USP16: variants seen among roughly 807,000 people sequenced by gnomAD.
The protein encoded by USP16 is ubiquitin specific peptidase 16.
USP16 carries 77 observed loss-of-function variants against 95.9 expected under a neutral mutation model. The ratio of observed to expected loss-of-function variants is 0.80; its 90% confidence interval spans 0.67 to 0.97. The LOEUF is 0.97. Among genes scored for constraint, USP16 ranks in the 50% least tolerant of loss-of-function variants. USP16 has a pLI of 0.00. For missense variants in USP16, 943 were observed against 959.9 expected, an observed-to-expected ratio of 0.98 and a Z score of 0.23; for synonymous variants, 303 against 318.2, an observed-to-expected ratio of 0.95 and a Z score of 0.51.
intron 3 of USP16, among the ~76,000 whole-genome samples, chr21:29,031,682 C>G (rs796279994): frequency 2.0e-5 from 3 of 152,360 alleles, no homozygotes; most frequent in African/African-American, 7.2e-5. Context: ...AAGTGATCCA[C>G]TCACCTTGGC....
rs532425756 is a variant in USP16 at position 29,046,568 on chromosome 21, A to G, written c.1357-99A>G. The G allele has an allele frequency of 5.2e-5, 63 of 1,222,484 alleles. No individual in the cohort carries two copies. The South Asian group carries it at 8.9e-4, about 17-fold the overall frequency. The allele number at this position is 1,222,484 out of a possible 1,614,324, so 75.7% of individuals were successfully genotyped here. A position where few individuals can be genotyped will look rare whatever the true frequency, so the allele number is the denominator to read the frequency against. On this transcript the variant is annotated intron_variant, in intron 13 of 17. Coordinates refer to ENST00000399976, the MANE Select transcript of USP16 (RefSeq NM_006447.3). ...GACAAGCAGCAAAACTGGATATAGT[A>G]CATGTGTGTGTTTTGTCCTTCTTCC...
chr21:29,032,075 G>A (rs60260312), intron 3 of USP16, among the ~76,000 whole-genome samples: 21,976 of 152,054 alleles, frequency 0.14, 1,892 homozygotes, highest in African/African-American at 0.24. Flanking sequence ...GGGATCTCTT[G>A]TGTTGCCCTT....
chr21:29,031,511 T>C (rs996238861), intron 3 of USP16, among the ~76,000 whole-genome samples: 2 of 152,186 alleles, frequency 1.3e-5, no homozygotes, highest in African/African-American at 4.8e-5. Context: ...CAATCTTGGC[T>C]CATGGCAGCC....
At position 29,042,476 on chromosome 21, in the gene USP16, C is replaced by G; in HGVS notation, c.1127C>G (p.Ser376Cys). Residue 376 changes from serine to cysteine, a missense_variant, in exon 12 of 18, where the codon TCC becomes TGC. By Grantham distance (112) the Ser-to-Cys change is moderately radical. Coordinates refer to ENST00000399976, the MANE Select transcript of USP16 (RefSeq NM_006447.3). ...TGTCTTTTCTGATTGGTTAAGGTCT[C>G]CTTGGTTCATGAATCTTTCCTTGAT... The part of the protein sequence containing the change: ...MIMCDQCRTV[S>C]LVHESFLDLS... The G allele has an allele frequency of 6.2e-7, 1 of 1,602,984 alleles. No homozygotes were observed. Among genetic ancestry groups the G allele is most frequent in the South Asian group, 1.1e-5 (1 of 89,036 alleles).
intron 13 of USP16, 34 bp from the exon 14 acceptor site, chr21:29,046,629 TTTTC>T (rs763637575): frequency 3.7e-5 from 57 of 1,549,830 alleles, no homozygotes; most frequent in Non-Finnish European, 4.8e-5. Flanking sequence ...CGCTCTTTCT[TTTTC>T]TTTATTTTTT....
chr21:29,036,472 T>A, intron 5 of USP16, 98 bp downstream of exon 5: 1 of 1,124,586 alleles, frequency 8.9e-7, no homozygotes, highest in Non-Finnish European at 1.3e-6. Context: ...TACAGCTGAG[T>A]AACATTAGTT....
intron 1 of USP16, chr21:29,026,687 C>G (rs2084996917): frequency 6.6e-6 from 1 of 151,978 alleles, no homozygotes; most frequent in Non-Finnish European, 1.5e-5. Context: ...CAGACAACAT[C>G]TGCCTTTTAG....
chr21:29,035,019 A>G, intron 4 of USP16, 79 bp downstream of exon 4: 1 of 1,378,480 alleles, frequency 7.3e-7, no homozygotes, highest in Non-Finnish European at 1.0e-6. Context: ...TATGTTTAAG[A>G]AGAAAGCAAT....
chr21:29,046,607 C>T (rs1204990200), intron 13 of USP16, 60 bp from the exon 14 acceptor site: 1 of 1,500,980 alleles, frequency 6.7e-7, no homozygotes, highest in South Asian at 1.4e-5. Flanking sequence ...ATCTCTCTTC[C>T]TCCTTTTCTC....
At chr21:29,035,222 A>G (rs747185503) in intron 4 of USP16, among the ~76,000 whole-genome samples, 1 of 152,142 alleles carries the variant, frequency 6.6e-6, no homozygotes, top group African/African-American at 2.4e-5. Flanking sequence ...GGACGCTAAG[A>G]ACAAATTTCA....
At chr21:29,045,157 T>A (rs551553244) in intron 13 of USP16, among the ~76,000 whole-genome samples, 48 of 152,364 alleles carry the variant, frequency 3.2e-4, no homozygotes, top group African/African-American at 1.1e-3. Context: ...AGTTTTTGCT[T>A]ATATTCTTTT....
At chr21:29,052,985 C>CA (rs1407801145) in intron 16 of USP16, 7 of 151,768 alleles carry the variant, frequency 4.6e-5, no homozygotes, top group Non-Finnish European at 7.4e-5. Context: ...GACCCTGTCT[C>CA]AAAAAAAATT....
intron 16 of USP16, among the ~76,000 whole-genome samples, chr21:29,051,311 C>A (rs2085409829): frequency 1.3e-5 from 2 of 152,190 alleles, no homozygotes; most frequent in Admixed American, 1.3e-4. Flanking sequence ...TTTGGATATA[C>A]ATATCTGAGA....
rs1568904071 is a variant in USP16, at chr21:29,054,151, A to G, written c.2436A>G (p.Ser812=). 6.2e-7 allele frequency: 1 copy of G among 1,614,192 alleles called. No homozygotes were observed. The highest frequency in any genetic ancestry group is 8.5e-7 in the Non-Finnish European group (1 of 1,180,000). ...TGCCTACAACTAAAGTACTAAACTC[A>G]CAAGCGTACCTCCTATTTTATGAGA... is the stretch of plus-strand genomic sequence containing the variant. ...QAVPTTKVLN[S]QAYLLFYERI... Residue 812 remains serine (S), a synonymous_variant, in exon 18 of 18, where the codon TCA becomes TCG. Coordinates refer to ENST00000399976, the MANE Select transcript of USP16 (RefSeq NM_006447.3).
rs1000784855 is a variant in USP16 at position 29,036,372 on chromosome 21, C to T, written c.446C>T (p.Pro149Leu). Reference sequence around the variant, plus strand: ...CAAGCCAGCATTACAACTCCAAAGCCAGGTAAAATAATTTGTTTCTTTAAT... The same window carrying T: ...CAAGCCAGCATTACAACTCCAAAGCTAGGTAAAATAATTTGTTTCTTTAAT... ...RKQASITTPK[P>L]AEKDNGNIEL... The change falls in exon 5 of 18, where the codon CCA becomes CTA. Residue 149 changes from proline (P) to leucine (L), a missense_variant and splice_region_variant. Pro to Leu is a moderately conservative substitution (Grantham distance 98). Transcript: ENST00000399976. The T allele has an allele frequency of 1.5e-5, 24 of 1,612,810 alleles. No individual in the cohort carries two copies. The highest frequency in any genetic ancestry group is 1.9e-5 in the Non-Finnish European group (23 of 1,179,554).
chr21:29,034,571 C>T (rs1420399381), intron 3 of USP16, among the ~76,000 whole-genome samples: 1 of 152,164 alleles, frequency 6.6e-6, no homozygotes, highest in Non-Finnish European at 1.5e-5. Flanking sequence ...CTGGCCTCAG[C>T]CTCCCAAAGT....
rs190732010 is a variant in USP16 at position 29,034,886 on chromosome 21, C to T, written c.290C>T (p.Thr97Met). The T allele has an allele frequency of 5.1e-5, 82 of 1,614,068 alleles. No individual in the cohort carries two copies. The highest frequency in any genetic ancestry group is 1.7e-4 in the Admixed American group (10 of 60,016). The part of the protein sequence containing the change: ...QEQHALKHYL[T>M]PRSEPHCLVL... ...CAGCATGCCTTGAAGCACTATCTGA[C>T]GCCAAGATCTGAACCTCACTGTCTG... Residue 97 changes from threonine (T) to methionine (M), a missense_variant, in exon 4 of 18, where the codon ACG becomes ATG. Thr to Met is a moderately conservative substitution (Grantham distance 81, BLOSUM62 -1). Coordinates refer to ENST00000399976, the MANE Select transcript of USP16 (RefSeq NM_006447.3).
Position 29,043,616 on chromosome 21 carries a change from A to C in USP16, c.1356+17A>C, listed in dbSNP as rs746929707. ...CAAGCCAAGGTGGGTAATTAGGAGG[A>C]AAATCATATGCTTGTAATTTTATAT... On this transcript the variant is annotated intron_variant, in intron 13 of 17. Coordinates refer to ENST00000399976, the MANE Select transcript of USP16 (RefSeq NM_006447.3). 1 of 1,519,144 alleles carries C rather than the reference A, an allele frequency of 6.6e-7. No individual in the cohort carries two copies. The highest frequency in any genetic ancestry group is 2.4e-5 in the Admixed American group (1 of 42,088). The allele number at this position is 1,519,144 out of a possible 1,614,324, so 94.1% of individuals were successfully genotyped here.
intron 2 of USP16, among the ~76,000 whole-genome samples, chr21:29,028,289 A>ATT (rs775282066): frequency 2.2e-5 from 3 of 136,750 alleles, no homozygotes; most frequent in East Asian, 2.1e-4. Context: ...CAGCCAGCTA[A>ATT]TTTTTTTTTT....
Sources: allele counts gnomAD v4.1 joint callset (sites outside exome capture counted in the v4.1 genomes callset), GRCh38; gene constraint gnomAD v4.1.1; transcripts MANE v1.5; gene names NCBI Gene and HGNC (gene_info 2026-07-23, HGNC 2026-07-21).